The following JRK variants were observed in gnomAD, a reference collection of about 807,000 sequenced individuals.
JRK encodes jerky protein homolog.
For synonymous variants in JRK, 303 were observed against 218.1 expected (o/e 1.39, Z -3.43); for missense variants, 720 against 509.2 (o/e 1.41, Z -3.98).
the JRK span, among the ~76,000 whole-genome samples, chr8:142,646,799 G>A: frequency 1.3e-5 from 2 of 152,108 alleles, no homozygotes; most frequent in Non-Finnish European, 2.9e-5. Context: ...ATTTTCAGTA[G>A]TGAAACATTG....
chr8:142,645,939 A>G, the JRK span, among the ~76,000 whole-genome samples: 1 of 152,134 alleles, frequency 6.6e-6, no homozygotes. Context: ...TGTTTTATAT[A>G]TGACCTTTAA....
In JRK at chr8:142,662,359, C is replaced by T. The variant is rs1846943237; in HGVS notation, c.*1993G>A. 7.1e-6 allele frequency: 7 copies of T among 985,370 alleles called. No homozygotes were observed. In the South Asian group the frequency reaches 2.3e-4, roughly 33 times the overall value. 61.0% of individuals were successfully genotyped at this position (985,370 alleles called of 1,614,324 possible). ...GGATGTCCTACTGTTTCAGAGCCCTCGGGACATGTTCTAACCTCCTGTGTT... is the reference window on the plus strand; with the variant it reads ...GGATGTCCTACTGTTTCAGAGCCCTTGGGACATGTTCTAACCTCCTGTGTT... On this transcript the variant is annotated 3_prime_UTR_variant, in exon 2 of 2. Coordinates refer to ENST00000612905, the MANE Select transcript of JRK (RefSeq NM_003724.4).
the JRK span, among the ~76,000 whole-genome samples, chr8:142,644,656 A>G: frequency 0.011 from 1,639 of 150,554 alleles, 27 homozygotes; most frequent in African/African-American, 0.038. Context: ...TTATTGTACA[A>G]TAAGTCATTC....
chr8:142,645,412 G>A, the JRK span, among the ~76,000 whole-genome samples: 1 of 152,126 alleles, frequency 6.6e-6, no homozygotes, highest in African/African-American at 2.4e-5. Context: ...GGGCACGATG[G>A]CTCATGCCTG....
In JRK at chr8:142,664,179, G is replaced by T. The variant is rs1847005727; in HGVS notation, c.*173C>A. 1 of 1,378,768 alleles carries T rather than the reference G, an allele frequency of 7.3e-7. No homozygotes were observed. Among genetic ancestry groups the T allele is most frequent in the East Asian group, 2.6e-5 (1 of 37,978 alleles). 85.4% of individuals were successfully genotyped at this position (1,378,768 alleles called of 1,614,324 possible). A position where few individuals can be genotyped will look rare whatever the true frequency, so the allele number is the denominator to read the frequency against. On this transcript the variant is annotated 3_prime_UTR_variant, in exon 2 of 2. Transcript: ENST00000612905. ...AAAACCTGTATTGACAGGAACCTCG[G>T]GCACAGACCGTCCTGGGCACCCGAG...
chr8:142,661,035 A>G lies in JRK; in HGVS notation c.*3317T>C, dbSNP rs1425499043. On this transcript the variant is annotated 3_prime_UTR_variant, in exon 2 of 2. Transcript: ENST00000612905. ...AGCAATCAATCACTTGGCCCACTGG[A>G]TAAGAACAGTGGCCTGCGACGTCAG... 5 of 985,212 alleles carry G rather than the reference A, an allele frequency of 5.1e-6. No homozygotes were observed. The highest frequency in any genetic ancestry group is 4.8e-6 in the Non-Finnish European group (4 of 829,852). 61.0% of individuals were successfully genotyped at this position (985,212 alleles called of 1,614,324 possible).
chr8:142,658,814 G>A lies in JRK; in HGVS notation c.*5538C>T, dbSNP rs782327498. 8 of 1,594,080 alleles carry A rather than the reference G, an allele frequency of 5.0e-6. No homozygotes were observed. The South Asian group carries it at 9.1e-5, about 18-fold the overall frequency. On this transcript the variant is annotated 3_prime_UTR_variant, in exon 2 of 2. Coordinates refer to ENST00000612905, the MANE Select transcript of JRK (RefSeq NM_003724.4). ...TCAAGGGCACTGGTGGGGACAGAGGGGTCTTACCCAGCACTGCCATGTGGC... is the reference window on the plus strand; with the variant it reads ...TCAAGGGCACTGGTGGGGACAGAGGAGTCTTACCCAGCACTGCCATGTGGC...
At chr8:142,649,340 C>G in the JRK span, among the ~76,000 whole-genome samples, 1 of 152,154 alleles carries the variant, frequency 6.6e-6, no homozygotes, top group South Asian at 2.1e-4. Flanking sequence ...TGAATTCCCA[C>G]GTGTTGTGGG....
chr8:142,651,291 C>T, the JRK span, among the ~76,000 whole-genome samples: 2 of 151,854 alleles, frequency 1.3e-5, no homozygotes, highest in African/African-American at 4.8e-5. Flanking sequence ...GTTTTAAAAT[C>T]TCATTACCAT....
intron 1 of JRK, among the ~76,000 whole-genome samples, chr8:142,669,624 T>TG (rs1847259623): frequency 6.6e-6 from 1 of 151,932 alleles, no homozygotes; most frequent in Non-Finnish European, 1.5e-5. Context: ...GGGTCCGGGC[T>TG]GGGGCGTCAA....
chr8:142,669,173 TGTGTGTGTGTGTGTGTGTGTGTGTGTGC>T (rs1847232378), intron 1 of JRK, among the ~76,000 whole-genome samples: 1 of 103,416 alleles, frequency 9.7e-6, no homozygotes, highest in Admixed American at 8.5e-5. Context: ...AGTGTGTGTG[TGTGTGTGTGTGTGTGTGTGTGTGTGTGC>T]GTGTGTGTGT....
rs1181211413 is a variant in JRK at position 142,659,297 on chromosome 8, C to T, written c.*5055G>A. ...GTGGCTTAGGACCAGGGCAAGACGC[C>T]TGACCCCAGAGCAGACCATGCTGAC... On this transcript the variant is annotated 3_prime_UTR_variant, in exon 2 of 2. Coordinates refer to ENST00000612905, the MANE Select transcript of JRK (RefSeq NM_003724.4). 9.5e-7 allele frequency: 1 copy of T among 1,047,788 alleles called. No homozygotes were observed. The highest frequency in any genetic ancestry group is 1.2e-6 in the Non-Finnish European group (1 of 867,852). 64.9% of individuals were successfully genotyped at this position (1,047,788 alleles called of 1,614,324 possible). A position where few individuals can be genotyped will look rare whatever the true frequency, so the allele number is the denominator to read the frequency against.
At position 142,663,747 on chromosome 8, in the gene JRK, T is replaced by C; in HGVS notation, c.*605A>G. The stretch of plus-strand genomic sequence containing the variant: ...GTAACAGAGGATGGTTCCAGAGTCA[T>C]TCTGCTGAATGAGGCCACAACTGAA... On this transcript the variant is annotated 3_prime_UTR_variant, in exon 2 of 2. Coordinates refer to ENST00000612905, the MANE Select transcript of JRK (RefSeq NM_003724.4). 1 of 985,538 alleles carries C rather than the reference T, an allele frequency of 1.0e-6. No homozygotes were observed. 61.0% of individuals were successfully genotyped at this position (985,538 alleles called of 1,614,324 possible).
At position 142,659,094 on chromosome 8, in the gene JRK, G is replaced by A. The variant is rs946478055; in HGVS notation, c.*5258C>T. 2 of 1,386,742 alleles carry A rather than the reference G, an allele frequency of 1.4e-6. No individual in the cohort carries two copies. Among genetic ancestry groups the A allele is most frequent in the South Asian group, 1.7e-5 (1 of 59,904 alleles). 85.9% of individuals were successfully genotyped at this position (1,386,742 alleles called of 1,614,324 possible). ...TCTTCAGAACTGACAGCCCATCAAG[G>A]TACAATGAAATAGAAAAAAGGCTGG... On this transcript the variant is annotated 3_prime_UTR_variant, in exon 2 of 2. Coordinates refer to ENST00000612905, the MANE Select transcript of JRK (RefSeq NM_003724.4).
chr8:142,663,544 A>G lies in JRK; in HGVS notation c.*808T>C, dbSNP rs1846985368. On this transcript the variant is annotated 3_prime_UTR_variant, in exon 2 of 2. Coordinates refer to ENST00000612905, the MANE Select transcript of JRK (RefSeq NM_003724.4). ...TATGAAATTCTGGGCAACATGGTAC[A>G]TTGGACTCTGAGCCAAAATGCCAAA... 1 of 985,516 alleles carries G rather than the reference A, an allele frequency of 1.0e-6. No homozygotes were observed. The allele number at this position is 985,516 out of a possible 1,614,324, so 61.0% of individuals were successfully genotyped here.
Position 142,659,196 on chromosome 8 carries a change from C to T in JRK, c.*5156G>A, listed in dbSNP as rs1554634188. ...TGGTCACCCCAGAGGACAGGCCTTC[C>T]TTTCACACACATCAGAAATAGGGAA... On this transcript the variant is annotated 3_prime_UTR_variant, in exon 2 of 2. Coordinates refer to ENST00000612905, the MANE Select transcript of JRK (RefSeq NM_003724.4). 1.6e-6 allele frequency: 2 copies of T among 1,222,902 alleles called. No homozygotes were observed. The highest frequency in any genetic ancestry group is 3.1e-5 in the African/African-American group (2 of 64,998). The allele number at this position is 1,222,902 out of a possible 1,614,324, so 75.8% of individuals were successfully genotyped here. A position where few individuals can be genotyped will look rare whatever the true frequency, so the allele number is the denominator to read the frequency against.
Position 142,664,948 on chromosome 8 carries a change from TC to T in JRK, c.1110del (p.Trp370Ter). On this transcript the variant is annotated frameshift_variant, in exon 2 of 2. Coordinates refer to ENST00000612905, the MANE Select transcript of JRK (RefSeq NM_003724.4). LOFTEE classifies it low-confidence loss of function (END_TRUNC). ...CTGAAGACGTGGCTAGGGACTGCGT[TC>T]CAGGCACAGGCCACGCTGAATATGG... ...NDAIFSVACAWNAVPSHVFRR... is the reference protein window; with the variant it reads ...NDAIFSVACAXNAVPSHVFRR... 1 of 804,746 alleles carries T rather than the reference TC, an allele frequency of 1.2e-6. No homozygotes were observed. The highest frequency in any genetic ancestry group is 2.2e-6 in the Non-Finnish European group (1 of 452,828). 49.9% of individuals were successfully genotyped at this position (804,746 alleles called of 1,614,324 possible).
the JRK span, among the ~76,000 whole-genome samples, chr8:142,645,511 C>G: frequency 6.6e-6 from 1 of 151,944 alleles, no homozygotes; most frequent in Admixed American, 6.6e-5. Context: ...AACCCCGTCT[C>G]TACTAAAAAT....
At position 142,660,752 on chromosome 8, in the gene JRK, G is replaced by C. The variant is rs1846889927; in HGVS notation, c.*3600C>G. The C allele has an allele frequency of 1.0e-6, 1 of 985,498 alleles. No individual in the cohort carries two copies. Among genetic ancestry groups the C allele is most frequent in the Non-Finnish European group, 1.2e-6 (1 of 829,996 alleles). The allele number at this position is 985,498 out of a possible 1,614,324, so 61.0% of individuals were successfully genotyped here. A position where few individuals can be genotyped will look rare whatever the true frequency, so the allele number is the denominator to read the frequency against. ...CGTGAGGTGAGGTCCCTGAGGTGCA[G>C]TGTGGACGGGTCTTGATTTGTCCCA... On this transcript the variant is annotated 3_prime_UTR_variant, in exon 2 of 2. Coordinates refer to ENST00000612905, the MANE Select transcript of JRK (RefSeq NM_003724.4).
Sources: gnomAD v4.1 joint callset for allele counts (sites outside exome capture counted in the v4.1 genomes callset) on GRCh38, gnomAD v4.1.1 for gene constraint, MANE v1.5 for transcripts, NCBI Gene and HGNC (gene_info 2026-07-23, HGNC 2026-07-21) for gene names.